The following YAP1 variants were observed in gnomAD, a reference collection of about 807,000 sequenced individuals.
YAP1 encodes transcriptional coactivator YAP1.
In YAP1, 5 loss-of-function variants were observed where a neutral mutation model predicts 56.9. That is an observed-to-expected ratio of 0.09 (90% CI 0.05 to 0.18). The LOEUF is 0.18. YAP1 is among the 10% of genes least tolerant of loss of function. The probability of loss-of-function intolerance (pLI) is 1.00; values close to 1 mark genes in which losing one functional copy is unlikely to be tolerated. For synonymous variants in YAP1, 265 were observed against 248.1 expected, an observed-to-expected ratio of 1.07 and a Z score of -0.64; for missense variants, 539 against 651.8, an observed-to-expected ratio of 0.83 and a Z score of 1.88.
At chr11:102,147,749 A>G (rs1791929254) in intron 2 of YAP1, among the ~76,000 whole-genome samples, 1 of 152,144 alleles carries the variant, frequency 6.6e-6, no homozygotes, top group Admixed American at 6.5e-5. Context: ...CCATTAAGTT[A>G]TCTTAAAACC....
intron 2 of YAP1, among the ~76,000 whole-genome samples, chr11:102,144,931 C>G (rs947365190): frequency 4.6e-5 from 7 of 152,186 alleles, no homozygotes; most frequent in African/African-American, 1.7e-4. Flanking sequence ...TTCTGTCTCT[C>G]TCTCTCCTTC....
In YAP1 at chr11:102,162,505, TCC is replaced by T; in HGVS notation, c.624_625del (p.Gln209AspfsTer25). 1 of 1,614,180 alleles carries T rather than the reference TCC, an allele frequency of 6.2e-7. No homozygotes were observed. The highest frequency in any genetic ancestry group is 8.5e-7 in the Non-Finnish European group (1 of 1,180,022). Reference sequence around the variant, plus strand: ...GCAGGACCCCAGGAAGGCCATGCTGTCCCAGATGAACGTCACAGCCCCCACCA... The same window carrying T: ...GCAGGACCCCAGGAAGGCCATGCTGTCAGATGAACGTCACAGCCCCCACCA... ...TWQDPRKAML[S>X]QMNVTAPTSP... On this transcript the variant is annotated frameshift_variant, in exon 3 of 9. Transcript: ENST00000282441. LOFTEE classifies it high-confidence loss of function.
intron 2 of YAP1, among the ~76,000 whole-genome samples, chr11:102,129,603 G>A (rs1944251500): frequency 8.2e-6 from 1 of 122,134 alleles, no homozygotes. Context: ...GGGCAACAGA[G>A]CGAGACTCTG....
intron 4 of YAP1, among the ~76,000 whole-genome samples, chr11:102,200,815 C>T (rs1476857266): frequency 1.3e-5 from 2 of 152,104 alleles, no homozygotes; most frequent in Non-Finnish European, 2.9e-5. Flanking sequence ...ACTTATATCA[C>T]AGACACAGAT....
intron 2 of YAP1, among the ~76,000 whole-genome samples, chr11:102,134,078 C>T (rs1270628554): frequency 1.3e-5 from 2 of 152,164 alleles, no homozygotes; most frequent in Non-Finnish European, 2.9e-5. Flanking sequence ...AATGTCAGCA[C>T]ATTGAGGGAT....
At chr11:102,206,580 T>A (rs552676295) in intron 5 of YAP1, among the ~76,000 whole-genome samples, 1 of 152,340 alleles carries the variant, frequency 6.6e-6, no homozygotes, top group African/African-American at 2.4e-5. Context: ...GTGCGGTGGC[T>A]CATGCCTGTA....
intron 2 of YAP1, among the ~76,000 whole-genome samples, chr11:102,119,881 T>A (rs1943543420): frequency 6.6e-6 from 1 of 152,224 alleles, no homozygotes; most frequent in African/African-American, 2.4e-5. Flanking sequence ...GAAGTCATTT[T>A]AAAAATCAGT....
chr11:102,203,498 A>G (rs1313747117), intron 4 of YAP1, among the ~76,000 whole-genome samples: 7 of 152,164 alleles, frequency 4.6e-5, no homozygotes, highest in African/African-American at 1.4e-4. Flanking sequence ...TACATGTTAA[A>G]ATTATGGGTA....
rs1365358079 is a variant in YAP1 at position 102,230,640 on chromosome 11, T to G, written c.*700T>G. ...GGTGGATAATTTTGTGGGTGTGCAT[T>G]TTGTTCTGTTTTGTTGGGTTTTTTG... On this transcript the variant is annotated 3_prime_UTR_variant, in exon 9 of 9. Coordinates refer to ENST00000282441, the MANE Select transcript of YAP1 (RefSeq NM_001130145.3). 1 of 152,550 alleles carries G rather than the reference T, an allele frequency of 6.6e-6. No individual in the cohort carries two copies. Among genetic ancestry groups the G allele is most frequent in the African/African-American group, 2.4e-5 (1 of 41,424 alleles). 9.4% of individuals were successfully genotyped at this position (152,550 alleles called of 1,614,324 possible).
chr11:102,186,847 T>TGTGTGTGTGTGTGTGTGTGTGTGTGTGTG (rs1555013227), intron 4 of YAP1, among the ~76,000 whole-genome samples: 2 of 151,344 alleles, frequency 1.3e-5, no homozygotes, highest in South Asian at 2.1e-4. Context: ...TGTGTGTGTG[T>TGTGTGTGTGTGTGTGTGTGTGTGTGTGTG]TTTAAACTGT....
intron 5 of YAP1, among the ~76,000 whole-genome samples, chr11:102,209,116 T>G (rs983778143): frequency 6.6e-6 from 1 of 152,228 alleles, no homozygotes; most frequent in Non-Finnish European, 1.5e-5. Flanking sequence ...TAGATTTTTT[T>G]AAAGTAATCA....
chr11:102,140,585 C>T (rs890116163), intron 2 of YAP1, among the ~76,000 whole-genome samples: 1 of 152,214 alleles, frequency 6.6e-6, no homozygotes, highest in South Asian at 2.1e-4. Flanking sequence ...TGGCTCACAC[C>T]TGTAATCCCA....
At chr11:102,125,666 A>G (rs750611115) in intron 2 of YAP1, among the ~76,000 whole-genome samples, 9 of 152,072 alleles carry the variant, frequency 5.9e-5, no homozygotes, top group Non-Finnish European at 1.3e-4. Context: ...GATGTCAGCC[A>G]TATCACGCCT....
rs1419364818 is a variant in YAP1, at chr11:102,162,527, C to T, written c.644C>T (p.Pro215Leu). The change falls in exon 3 of 9, where the codon CCC (proline) becomes CTC (leucine). Residue 215 changes from proline to leucine, a missense_variant. Physicochemically the swap from Pro to Leu is moderately conservative, Grantham distance 98. Around this residue, in one of 4 missense-constraint regions of YAP1, gnomAD observed 414 missense variants for 512.4 expected, o/e 0.81. Transcript: ENST00000282441. Reference protein sequence around the residue: ...AMLSQMNVTAPTSPPVQQNMM... With the variant: ...AMLSQMNVTALTSPPVQQNMM... ...CTGTCCCAGATGAACGTCACAGCCC[C>T]CACCAGTCCACCAGTGCAGCAGAAT... The T allele has an allele frequency of 1.2e-6, 2 of 1,614,040 alleles. No homozygotes were observed. The highest frequency in any genetic ancestry group is 1.7e-6 in the Non-Finnish European group (2 of 1,180,026).
intron 2 of YAP1, among the ~76,000 whole-genome samples, chr11:102,147,510 C>T (rs940043207): frequency 6.6e-6 from 1 of 152,064 alleles, no homozygotes; most frequent in Non-Finnish European, 1.5e-5. Context: ...CATTGAGCAC[C>T]TTTTATGCTT....
intron 4 of YAP1, among the ~76,000 whole-genome samples, chr11:102,190,805 A>T (rs555569454): frequency 1.3e-5 from 2 of 151,886 alleles, no homozygotes; most frequent in Non-Finnish European, 2.9e-5. Flanking sequence ...GTGTGATGGC[A>T]CACGCCTATA....
chr11:102,221,371 G>A (rs1050496107), intron 6 of YAP1, among the ~76,000 whole-genome samples: 4 of 152,092 alleles, frequency 2.6e-5, no homozygotes, highest in African/African-American at 9.7e-5. Flanking sequence ...CATTGATACA[G>A]TTAAGAAAAT....
intron 1 of YAP1, 35 bp downstream of exon 1, chr11:102,111,204 G>T (rs1034601050): frequency 1.2e-6 from 2 of 1,607,680 alleles, no homozygotes; most frequent in Non-Finnish European, 1.7e-6. Context: ...TTTCCCCGTC[G>T]GGCGGGCCTC....
intron 3 of YAP1, among the ~76,000 whole-genome samples, chr11:102,180,130 C>A (rs1453905604): frequency 6.6e-6 from 1 of 151,374 alleles, no homozygotes; most frequent in African/African-American, 2.4e-5. Context: ...CTGCCTCAGC[C>A]TCCCAAGTAG....
Sources: allele counts gnomAD v4.1 joint callset (sites outside exome capture counted in the v4.1 genomes callset), GRCh38; gene constraint gnomAD v4.1.1; regional missense constraint gnomAD v4.1.1; transcripts MANE v1.5; gene names NCBI Gene and HGNC (gene_info 2026-07-23, HGNC 2026-07-21).